The following IL1RAPL1 variants were observed in gnomAD, a reference collection of about 807,000 sequenced individuals.
IL1RAPL1 encodes interleukin 1 receptor accessory protein like 1, also known as interleukin-1 receptor accessory protein-like 1.
In IL1RAPL1, 3 loss-of-function variants were observed where a neutral mutation model predicts 48.4. That is an observed-to-expected ratio of 0.06 (90% CI 0.03 to 0.16). IL1RAPL1 has a LOEUF of 0.16. Ranked by LOEUF, IL1RAPL1 falls within the 10% of genes least tolerant of loss-of-function variation. The pLI is 1.00. For missense variants in IL1RAPL1, 349 were observed against 530.6 expected (o/e 0.66, Z 3.36); for synonymous variants, 185 against 187.7 (o/e 0.99, Z 0.12).
chrX:28,935,199 C>T (rs976677726), intron 2 of IL1RAPL1, among the ~76,000 whole-genome samples: 1 of 109,696 alleles, frequency 9.1e-6, no homozygotes, highest in Non-Finnish European at 1.9e-5. Context: ...TTGTCTAATC[C>T]AAGGTCACAA....
intron 3 of IL1RAPL1, among the ~76,000 whole-genome samples, chrX:29,388,106 CAAAAAAAAAAA>C (rs71862742): frequency 7.7e-5 from 4 of 51,716 alleles, no homozygotes; most frequent in African/African-American, 2.9e-4. Flanking sequence ...AAGGTTAAGC[CAAAAAAAAAAA>C]AAAAAAAAAA....
intron 2 of IL1RAPL1, among the ~76,000 whole-genome samples, chrX:28,806,096 A>G (rs927218327): frequency 6.0e-4 from 67 of 111,908 alleles, no homozygotes; most frequent in Middle Eastern, 4.7e-3. Context: ...GGCTTTACAC[A>G]TAGCATTATT....
chrX:28,908,788 T>G (rs758088204), intron 2 of IL1RAPL1, among the ~76,000 whole-genome samples: 1 of 112,122 alleles, frequency 8.9e-6, no homozygotes, highest in Admixed American at 9.5e-5. Flanking sequence ...AAGAGGAGGG[T>G]TGAAATCTCC....
At chrX:29,451,194 TA>T (rs1269868719) in intron 5 of IL1RAPL1, among the ~76,000 whole-genome samples, 26 of 109,352 alleles carry the variant, frequency 2.4e-4, no homozygotes, top group Non-Finnish European at 4.6e-4. Flanking sequence ...TTTTTTATTT[TA>T]TTTTTTTTTT....
At chrX:29,264,678 G>C (rs925185513) in intron 2 of IL1RAPL1, among the ~76,000 whole-genome samples, 1 of 109,458 alleles carries the variant, frequency 9.1e-6, no homozygotes, top group African/African-American at 3.3e-5. Flanking sequence ...ATGTAACATT[G>C]ACCTAAAAAT....
chrX:29,752,883 G>T (rs1338288207), intron 6 of IL1RAPL1, among the ~76,000 whole-genome samples: 1 of 111,866 alleles, frequency 8.9e-6, no homozygotes, highest in African/African-American at 3.2e-5. Context: ...TTACCCTGTG[G>T]TCTCAAACAT....
intron 2 of IL1RAPL1, among the ~76,000 whole-genome samples, chrX:28,984,785 T>C (rs1240035614): frequency 8.9e-6 from 1 of 111,878 alleles, no homozygotes; most frequent in Non-Finnish European, 1.9e-5. Flanking sequence ...GAATAAATAT[T>C]TGTAAAGGCT....
intron 2 of IL1RAPL1, among the ~76,000 whole-genome samples, chrX:29,137,636 T>C (rs1378992074): frequency 8.9e-6 from 1 of 112,196 alleles, no homozygotes; most frequent in Non-Finnish European, 1.9e-5. Flanking sequence ...AACCTAAACC[T>C]CTACTTTAAA....
intron 2 of IL1RAPL1, among the ~76,000 whole-genome samples, chrX:29,195,808 G>A (rs767760886): frequency 2.7e-5 from 3 of 110,746 alleles, no homozygotes; most frequent in African/African-American, 9.8e-5. Context: ...TGATCCACCC[G>A]CCTCGGCCTT....
chrX:29,232,265 A>G (rs961310383), intron 2 of IL1RAPL1, among the ~76,000 whole-genome samples: 5 of 111,877 alleles, frequency 4.5e-5, no homozygotes, highest in Non-Finnish European at 9.4e-5. Context: ...ATGGATACAG[A>G]GATGATAAGA....
intron 6 of IL1RAPL1, among the ~76,000 whole-genome samples, chrX:29,806,207 G>A (rs1468954427): frequency 9.1e-6 from 1 of 110,084 alleles, no homozygotes; most frequent in Non-Finnish European, 1.9e-5. Context: ...GAGCACACGG[G>A]CACACGTGCG....
chrX:28,918,358 C>G (rs1192124465), intron 2 of IL1RAPL1, among the ~76,000 whole-genome samples: 1 of 112,140 alleles, frequency 8.9e-6, no homozygotes. Context: ...AGTGACCCAA[C>G]CAATCAAATA....
At chrX:29,662,219 A>G (rs1925867269) in intron 5 of IL1RAPL1, among the ~76,000 whole-genome samples, 1 of 111,410 alleles carries the variant, frequency 9.0e-6, no homozygotes, top group Non-Finnish European at 1.9e-5. Context: ...AAGCATGCCA[A>G]GTATACTCCA....
At chrX:29,228,205 C>T (rs1931120770) in intron 2 of IL1RAPL1, among the ~76,000 whole-genome samples, 1 of 104,201 alleles carries the variant, frequency 9.6e-6, no homozygotes, top group African/African-American at 3.5e-5. Flanking sequence ...CACACACACA[C>T]ACACACACAC....
At chrX:29,692,674 G>A (rs985872782) in intron 6 of IL1RAPL1, among the ~76,000 whole-genome samples, 11 of 111,535 alleles carry the variant, frequency 9.9e-5, no homozygotes, top group African/African-American at 2.3e-4. Context: ...TGTTTTGTGG[G>A]GTTATTTTTC....
At chrX:29,617,651 A>G (rs1364200181) in intron 5 of IL1RAPL1, among the ~76,000 whole-genome samples, 2 of 112,150 alleles carry the variant, frequency 1.8e-5, no homozygotes, top group Non-Finnish European at 3.8e-5. Flanking sequence ...ACTAAAGCTC[A>G]TGTGTCTGCA....
intron 2 of IL1RAPL1, among the ~76,000 whole-genome samples, chrX:28,843,117 C>T (rs1278573977): frequency 9.0e-6 from 1 of 110,580 alleles, no homozygotes; most frequent in Non-Finnish European, 1.9e-5. Flanking sequence ...ATTAGTTATG[C>T]AGCATCTATT....
chrX:29,408,426 G>C (rs1282944508), intron 5 of IL1RAPL1, among the ~76,000 whole-genome samples: 1 of 111,278 alleles, frequency 9.0e-6, no homozygotes, highest in Non-Finnish European at 1.9e-5. Context: ...AGTCAGACCA[G>C]TTGCAACACC....
At chrX:28,944,163 TA>T (rs957417131) in intron 2 of IL1RAPL1, among the ~76,000 whole-genome samples, 1 of 110,933 alleles carries the variant, frequency 9.0e-6, no homozygotes, top group Non-Finnish European at 1.9e-5. Flanking sequence ...TAATATTATT[TA>T]AAAAATTATC....
Sources: allele counts gnomAD v4.1 joint callset (sites outside exome capture counted in the v4.1 genomes callset), GRCh38; gene constraint gnomAD v4.1.1; transcripts MANE v1.5; gene names NCBI Gene and HGNC (gene_info 2026-07-23, HGNC 2026-07-21).